Variants in CTSS observed in about 807,000 individuals in gnomAD.
CTSS encodes the protein cathepsin S.
A neutral mutation model predicts 39.9 loss-of-function variants in CTSS; 15 were observed. The ratio of observed to expected loss-of-function variants is 0.38; its 90% confidence interval spans 0.25 to 0.58. The LOEUF is 0.58. CTSS is among the 20% of genes least tolerant of loss of function. The pLI, the probability that CTSS is intolerant of heterozygous loss-of-function variation, is 0.70. For missense variants in CTSS, 250 were observed against 398.2 expected, an observed-to-expected ratio of 0.63 and a Z score of 3.17; for synonymous variants, 126 against 138.2, an observed-to-expected ratio of 0.91 and a Z score of 0.62.
intron 2 of CTSS, 125 bp downstream of exon 2, chr1:150,764,513 C>G: frequency 4.6e-6 from 6 of 1,301,960 alleles, no homozygotes; most frequent in Non-Finnish European, 6.4e-6. Flanking sequence ...GCTAGGATTA[C>G]AGGCGCGAGC....
rs1259329500 is a variant in CTSS at position 150,754,395 on chromosome 1, T to C, written c.399+606A>G. ...TGGAAAAGTGCTGGGATTACAGGCA[T>C]GAGCCACTACGCCCGGCCCTCCCTT... On this transcript the variant is annotated intron_variant, in intron 4 of 7. Transcript: ENST00000368985. Among the ~76,000 whole-genome samples, 3 of 151,520 alleles carry C rather than the reference T, an allele frequency of 2.0e-5. No homozygotes were observed. The East Asian group carries it at 5.9e-4, about 30-fold the overall frequency.
At chr1:150,738,761 G>T (rs1652686592) in intron 7 of CTSS, among the ~76,000 whole-genome samples, 1 of 152,086 alleles carries the variant, frequency 6.6e-6, no homozygotes, top group Admixed American at 6.5e-5. Context: ...TGAGCCACGT[G>T]CATATAAGAT....
intron 7 of CTSS, among the ~76,000 whole-genome samples, chr1:150,739,951 T>C (rs1652714503): frequency 6.6e-6 from 1 of 152,250 alleles, no homozygotes; most frequent in Non-Finnish European, 1.5e-5. Context: ...ATTTATCACA[T>C]TGAGTTGCAA....
chr1:150,739,917 A>G (rs1461280013), intron 7 of CTSS, among the ~76,000 whole-genome samples: 1 of 152,206 alleles, frequency 6.6e-6, no homozygotes, highest in Non-Finnish European at 1.5e-5. Context: ...CCTCCAGTGC[A>G]ACCTATGCCA....
chr1:150,751,763 AG>A lies in CTSS; in HGVS notation c.627+17del. The stretch of plus-strand genomic sequence containing the variant: ...CATGAGATCATGGGGCAGCACAAAA[AG>A]TTTGCTTAAGACGCACCATGGCTTT... On this transcript the variant is annotated intron_variant, in intron 5 of 7. Transcript: ENST00000368985. The A allele has an allele frequency of 6.2e-7, 1 of 1,611,232 alleles. No individual in the cohort carries two copies. Among genetic ancestry groups the A allele is most frequent in the Non-Finnish European group, 8.5e-7 (1 of 1,177,496 alleles).
intron 3 of CTSS, among the ~76,000 whole-genome samples, chr1:150,757,210 A>G (rs1653151529): frequency 6.6e-6 from 1 of 152,212 alleles, no homozygotes; most frequent in Non-Finnish European, 1.5e-5. Flanking sequence ...CTCATGGGGA[A>G]GGAGAAAAAG....
chr1:150,756,152 C>T (rs75715004), intron 3 of CTSS, among the ~76,000 whole-genome samples: 2,270 of 152,154 alleles, frequency 0.015, 49 homozygotes, highest in African/African-American at 0.052. Context: ...CACACACACA[C>T]ATTAGCCTAG....
rs182213628 is a variant in CTSS, at chr1:150,757,849, T to C, written c.249+9A>G. On this transcript the variant is annotated intron_variant, in intron 3 of 7. Transcript: ENST00000368985. ...GACGTGAAAGTGGGATTTCTTGTAA[T>C]GTACCTACCATGTCTCCCAGGTGGT... is the stretch of plus-strand genomic sequence containing the variant. 6.2e-6 allele frequency: 10 copies of C among 1,610,242 alleles called. No individual in the cohort carries two copies. The highest frequency in any genetic ancestry group is 2.2e-5 in the East Asian group (1 of 44,792).
In CTSS at chr1:150,732,964, T is replaced by C. The variant is rs1652555770; in HGVS notation, c.*82A>G. ...ATACACATTAATCATGACACAATTA[T>C]TTCTTCTGGATACAGCAGGAAAAAT... is the stretch of plus-strand genomic sequence containing the variant. On this transcript the variant is annotated 3_prime_UTR_variant, in exon 8 of 8. Coordinates refer to ENST00000368985, the MANE Select transcript of CTSS (RefSeq NM_004079.5). 7 of 981,410 alleles carry C rather than the reference T, an allele frequency of 7.1e-6. No homozygotes were observed. The Admixed American group carries it at 1.5e-4, about 21-fold the overall frequency. 60.8% of individuals were successfully genotyped at this position (981,410 alleles called of 1,614,324 possible). A position where few individuals can be genotyped will look rare whatever the true frequency, so the allele number is the denominator to read the frequency against.
intron 2 of CTSS, among the ~76,000 whole-genome samples, chr1:150,762,812 A>G (rs1424089890): frequency 6.6e-6 from 1 of 152,200 alleles, no homozygotes; most frequent in Non-Finnish European, 1.5e-5. Context: ...ACCCTCATAC[A>G]CTTTTAGTAG....
At chr1:150,737,168 C>T (rs1652653550) in intron 7 of CTSS, among the ~76,000 whole-genome samples, 1 of 151,896 alleles carries the variant, frequency 6.6e-6, no homozygotes, top group Non-Finnish European at 1.5e-5. Context: ...AATGGCACAA[C>T]CTCGCCTCAC....
intron 6 of CTSS, 99 bp from the exon 7 acceptor site, chr1:150,747,978 A>C: frequency 1.3e-6 from 1 of 777,656 alleles, no homozygotes; most frequent in African/African-American, 1.8e-5. Flanking sequence ...CTTTGGATAC[A>C]TAGCAAGGTT....
chr1:150,754,892 C>T (rs2101922624), intron 4 of CTSS, 109 bp downstream of exon 4: 1 of 1,159,466 alleles, frequency 8.6e-7, no homozygotes, highest in Non-Finnish European at 1.2e-6. Flanking sequence ...ACAAAAATAA[C>T]TAGAAAGTAA....
chr1:150,758,927 C>T (rs960944245), intron 2 of CTSS, among the ~76,000 whole-genome samples: 3 of 151,170 alleles, frequency 2.0e-5, no homozygotes, highest in African/African-American at 7.3e-5. Flanking sequence ...TAGCTCACTA[C>T]AGCCTCAAAC....
chr1:150,758,432 C>T (rs1047165721), intron 2 of CTSS, among the ~76,000 whole-genome samples: 1 of 152,262 alleles, frequency 6.6e-6, no homozygotes, highest in South Asian at 2.1e-4. Flanking sequence ...AATATAACTG[C>T]TAACTTCACA....
At chr1:150,758,442 A>C (rs1005845427) in intron 2 of CTSS, among the ~76,000 whole-genome samples, 2 of 152,160 alleles carry the variant, frequency 1.3e-5, no homozygotes, top group Non-Finnish European at 2.9e-5. Flanking sequence ...CTAACTTCAC[A>C]TATTAATCTT....
chr1:150,735,035 T>C (rs981306973), intron 7 of CTSS, among the ~76,000 whole-genome samples: 9 of 152,180 alleles, frequency 5.9e-5, no homozygotes, highest in African/African-American at 2.2e-4. Context: ...AAAGGAAAAC[T>C]GGATATCTTT....
chr1:150,750,046 A>G lies in CTSS; in HGVS notation c.753T>C (p.Gly251=), dbSNP rs1353760479. The change falls in exon 6 of 8, where the codon GGT becomes GGC. Residue 251 remains glycine (G), a synonymous_variant. Transcript: ENST00000368985. Reference sequence around the variant, plus strand: ...AGAAAGAAGGATGACGCGCATCTACACCAACAGACACTGGGCCTTTATTGG... The same window carrying G: ...AGAAAGAAGGATGACGCGCATCTACGCCAACAGACACTGGGCCTTTATTGG... ...AVANKGPVSV[G]VDARHPSFFL... 1.9e-6 allele frequency: 3 copies of G among 1,613,672 alleles called. No homozygotes were observed. The East Asian group carries it at 6.7e-5, about 36-fold the overall frequency.
chr1:150,746,994 G>A (rs1003371838), intron 7 of CTSS, among the ~76,000 whole-genome samples: 1 of 152,154 alleles, frequency 6.6e-6, no homozygotes, highest in Admixed American at 6.6e-5. Flanking sequence ...AGGGTAAAGG[G>A]GAAGAAAATA....
Sources: allele counts gnomAD v4.1 joint callset (sites outside exome capture counted in the v4.1 genomes callset), GRCh38; gene constraint gnomAD v4.1.1; transcripts MANE v1.5; gene names NCBI Gene and HGNC (gene_info 2026-07-23, HGNC 2026-07-21).